The following KRABD2 variants were observed in gnomAD, a reference collection of about 807,000 sequenced individuals.
The protein encoded by KRABD2 is KRAB domain containing 2.
the KRABD2 span, among the ~76,000 whole-genome samples, chr17:8,361,731 A>G: frequency 6.6e-6 from 1 of 152,062 alleles, no homozygotes; most frequent in East Asian, 1.9e-4. Flanking sequence ...ACCATGCCTC[A>G]CTATGTTGCC....
the KRABD2 span, among the ~76,000 whole-genome samples, chr17:8,363,848 T>TCATAC: frequency 3.0e-4 from 27 of 89,880 alleles, no homozygotes; most frequent in African/African-American, 9.9e-4. Context: ...TATATATATA[T>TCATAC]ATATATATAT....
the KRABD2 span, chr17:8,369,993 C>G: frequency 6.2e-7 from 1 of 1,614,212 alleles, no homozygotes; most frequent in Admixed American, 1.7e-5. Flanking sequence ...TGTCCGCCCA[C>G]CATGTCCAAT....
chr17:8,363,131 G>T, the KRABD2 span, among the ~76,000 whole-genome samples: 47 of 152,306 alleles, frequency 3.1e-4, 1 homozygote, highest in African/African-American at 9.4e-4. Context: ...ATGATACACT[G>T]ATGACTCTGG....
At chr17:8,376,659 G>A in the KRABD2 span, 54 of 984,782 alleles carry the variant, frequency 5.5e-5, no homozygotes, top group Non-Finnish European at 5.7e-5. Context: ...CACCAGACGC[G>A]GCGTCTGAAT....
the KRABD2 span, among the ~76,000 whole-genome samples, chr17:8,365,118 C>G: frequency 6.6e-6 from 1 of 152,182 alleles, no homozygotes; most frequent in African/African-American, 2.4e-5. Flanking sequence ...TTAGTGACCT[C>G]TATTCCACAT....
At chr17:8,364,069 A>C in the KRABD2 span, among the ~76,000 whole-genome samples, 1 of 151,644 alleles carries the variant, frequency 6.6e-6, no homozygotes, top group Non-Finnish European at 1.5e-5. The surrounding 1 kb of genome is among the most constrained non-coding windows in gnomAD (Gnocchi z 4.4). Context: ...GGGTTTTGCC[A>C]GGTTGGCCAG....
chr17:8,363,863 T>TATATA, the KRABD2 span, among the ~76,000 whole-genome samples: 1,390 of 54,756 alleles, frequency 0.025, 10 homozygotes, highest in East Asian at 0.046. Context: ...ATATATATAT[T>TATATA]TATTTATTTA....
At chr17:8,369,902 C>G in the KRABD2 span, 2 of 1,614,220 alleles carry the variant, frequency 1.2e-6, no homozygotes, top group Non-Finnish European at 1.7e-6. Flanking sequence ...TCTGGTGGCA[C>G]TGTTTACACA....
At chr17:8,359,795 G>A in the KRABD2 span, 1 of 456,064 alleles carries the variant, frequency 2.2e-6, no homozygotes, top group East Asian at 6.9e-5. Flanking sequence ...CAGGTGGCCT[G>A]GGTTCTGTGT....
At chr17:8,371,236 G>T in the KRABD2 span, 5,793 of 1,268,024 alleles carry the variant, frequency 4.6e-3, 228 homozygotes, top group African/African-American at 0.076. Flanking sequence ...AAAGCTGTGG[G>T]GATATTTTTA....
At chr17:8,367,152 T>G in the KRABD2 span, 2 of 152,296 alleles carry the variant, frequency 1.3e-5, no homozygotes, top group African/African-American at 4.8e-5. Context: ...CCATCAGTTC[T>G]TGTTTTGCAG....
At chr17:8,372,168 CT>C in the KRABD2 span, 1 of 688,734 alleles carries the variant, frequency 1.5e-6, no homozygotes, top group Non-Finnish European at 1.8e-6. This position sits in a 1 kb window ranked among gnomAD's most constrained non-coding sequence, Gnocchi z 4.1. Flanking sequence ...CCGGAAGGTC[CT>C]TCACTAAAAG....
chr17:8,374,721 C>A, the KRABD2 span, among the ~76,000 whole-genome samples: 37 of 148,398 alleles, frequency 2.5e-4, no homozygotes, highest in African/African-American at 8.5e-4. Flanking sequence ...CGGAGGTGGG[C>A]GGATTACAAG....
At chr17:8,361,332 C>T in the KRABD2 span, among the ~76,000 whole-genome samples, 2 of 152,118 alleles carry the variant, frequency 1.3e-5, no homozygotes, top group African/African-American at 2.4e-5. Context: ...AACTTTAAAA[C>T]GAGTTGGTTC....
At chr17:8,370,336 G>A in the KRABD2 span, 10,891 of 1,605,596 alleles carry the variant, frequency 6.8e-3, 557 homozygotes, top group African/African-American at 0.12. Flanking sequence ...GAAACCCCAG[G>A]TGGATCATTT....
At chr17:8,376,485 A>T in the KRABD2 span, 2 of 1,008,204 alleles carry the variant, frequency 2.0e-6, 1 homozygote, top group South Asian at 9.3e-5. Flanking sequence ...CCGGGCTGGG[A>T]TGTCGCCTCC....
At chr17:8,371,478 G>A in the KRABD2 span, 41 of 1,612,468 alleles carry the variant, frequency 2.5e-5, no homozygotes, top group Non-Finnish European at 3.4e-5. Context: ...CTGGGCTAAA[G>A]AGCAGCTTCA....
At chr17:8,374,700 A>T in the KRABD2 span, among the ~76,000 whole-genome samples, 1 of 150,496 alleles carries the variant, frequency 6.6e-6, no homozygotes, top group African/African-American at 2.4e-5. Context: ...TAACCCCAGC[A>T]CTTTAGGAGG....
the KRABD2 span, chr17:8,371,330 A>T: frequency 6.2e-7 from 1 of 1,612,784 alleles, no homozygotes; most frequent in Non-Finnish European, 8.5e-7. Flanking sequence ...GTGTTCTCAT[A>T]ACTGTCCAGC....
Sources: allele counts gnomAD v4.1 joint callset (sites outside exome capture counted in the v4.1 genomes callset), GRCh38; gene constraint gnomAD v4.1.1; non-coding constraint Gnocchi (gnomAD v3.1); transcripts MANE v1.5; gene names NCBI Gene and HGNC (gene_info 2026-07-23, HGNC 2026-07-21).